The following SLC44A5 variants were observed in gnomAD, a reference collection of about 807,000 sequenced individuals.
SLC44A5 encodes choline transporter-like protein 5.
In SLC44A5, 57 loss-of-function variants were observed where a neutral mutation model predicts 101.8. That is an observed-to-expected ratio of 0.56 (90% CI 0.45 to 0.70). The LOEUF is 0.70. Among genes scored for constraint, SLC44A5 ranks in the 30% least tolerant of loss-of-function variants. The pLI is 0.00. For synonymous variants in SLC44A5, 281 were observed against 290.9 expected, an observed-to-expected ratio of 0.97 and a Z score of 0.35; for missense variants, 737 against 853.1, an observed-to-expected ratio of 0.86 and a Z score of 1.70.
At chr1:75,692,132 A>C in the SLC44A5 span, among the ~76,000 whole-genome samples, 2 of 151,436 alleles carry the variant, frequency 1.3e-5, no homozygotes, top group South Asian at 2.1e-4. Flanking sequence ...AAAAACACAG[A>C]GAGAGAACAA....
intron 2 of SLC44A5, among the ~76,000 whole-genome samples, chr1:75,500,396 T>C (rs1668893997): frequency 6.6e-6 from 1 of 152,166 alleles, no homozygotes; most frequent in South Asian, 2.1e-4. Flanking sequence ...AACTATTGCC[T>C]GCAAAAACTG....
chr1:75,443,295 A>T (rs1665312678), intron 2 of SLC44A5, among the ~76,000 whole-genome samples: 1 of 152,014 alleles, frequency 6.6e-6, no homozygotes, highest in African/African-American at 2.4e-5. Context: ...ATAAATTTAA[A>T]ATTAAAAATA....
At chr1:75,700,481 A>G in the SLC44A5 span, among the ~76,000 whole-genome samples, 1 of 152,234 alleles carries the variant, frequency 6.6e-6, no homozygotes, top group Non-Finnish European at 1.5e-5. Context: ...ACAACATACC[A>G]GAATCTCTGG....
chr1:75,517,837 C>A (rs947859157), intron 2 of SLC44A5, among the ~76,000 whole-genome samples: 1 of 152,186 alleles, frequency 6.6e-6, no homozygotes, highest in Non-Finnish European at 1.5e-5. Context: ...ACAATCTCTC[C>A]AGGCTCTTCT....
chr1:75,221,960 C>T (rs6671508), intron 14 of SLC44A5, among the ~76,000 whole-genome samples: 28,779 of 97,084 alleles, frequency 0.3, 3,568 homozygotes, highest in Non-Finnish European at 0.34. Flanking sequence ...TCTTCTTCTT[C>T]TTTTTTTTTT....
chr1:75,443,301 A>G (rs1665313058), intron 2 of SLC44A5, among the ~76,000 whole-genome samples: 1 of 152,020 alleles, frequency 6.6e-6, no homozygotes, highest in Non-Finnish European at 1.5e-5. Context: ...TTAAAATTAA[A>G]AATAAGCAAA....
the SLC44A5 span, among the ~76,000 whole-genome samples, chr1:75,659,033 C>A: frequency 6.6e-6 from 1 of 151,768 alleles, no homozygotes; most frequent in African/African-American, 2.4e-5. Context: ...AGAAGAAATG[C>A]ACAAATCCCT....
chr1:75,468,677 G>A (rs979813514), intron 2 of SLC44A5, among the ~76,000 whole-genome samples: 2 of 152,170 alleles, frequency 1.3e-5, no homozygotes, highest in Non-Finnish European at 1.5e-5. Context: ...GCTGGGAAAG[G>A]CAGCAATGGG....
At chr1:75,363,863 G>T (rs1200536161) in intron 3 of SLC44A5, among the ~76,000 whole-genome samples, 1 of 152,128 alleles carries the variant, frequency 6.6e-6, no homozygotes, top group Admixed American at 6.6e-5. Flanking sequence ...GCTTAGTGGT[G>T]ATTAATTTTC....
intron 2 of SLC44A5, among the ~76,000 whole-genome samples, chr1:75,404,583 T>A (rs976901984): frequency 6.6e-6 from 1 of 152,176 alleles, no homozygotes; most frequent in African/African-American, 2.4e-5. Context: ...CAGAATTTAA[T>A]ATCCAGCCAA....
chr1:75,684,367 C>T, the SLC44A5 span, among the ~76,000 whole-genome samples: 105 of 152,256 alleles, frequency 6.9e-4, no homozygotes, highest in African/African-American at 2.5e-3. Flanking sequence ...CCAACAGTCT[C>T]CCAAAGTTTT....
chr1:75,480,154 C>T (rs1667743653), intron 2 of SLC44A5, among the ~76,000 whole-genome samples: 1 of 152,178 alleles, frequency 6.6e-6, no homozygotes, highest in South Asian at 2.1e-4. Context: ...ACAAAAACCA[C>T]ATGATTATCT....
intron 1 of SLC44A5, among the ~76,000 whole-genome samples, chr1:75,610,716 G>A (rs966521299): frequency 3.3e-5 from 5 of 152,084 alleles, no homozygotes; most frequent in East Asian, 3.9e-4. Context: ...AAATATTGTC[G>A]ATATTTTGGT....
chr1:75,316,345 AC>A (rs1215968737), intron 4 of SLC44A5, among the ~76,000 whole-genome samples: 1 of 152,068 alleles, frequency 6.6e-6, no homozygotes, highest in Non-Finnish European at 1.5e-5. Context: ...AAGCTCTCTC[AC>A]CCTTAAAACT....
intron 4 of SLC44A5, among the ~76,000 whole-genome samples, chr1:75,333,905 CT>C (rs1453878485): frequency 2.6e-5 from 4 of 152,198 alleles, no homozygotes; most frequent in African/African-American, 9.6e-5. Context: ...TGTAGTCACA[CT>C]TGAGTTCTTT....
chr1:75,554,688 T>C (rs927718471), intron 1 of SLC44A5, among the ~76,000 whole-genome samples: 2 of 152,036 alleles, frequency 1.3e-5, no homozygotes, highest in Non-Finnish European at 2.9e-5. Flanking sequence ...TGATAAGCCA[T>C]GTTAGGAGTT....
At chr1:75,656,620 A>G in the SLC44A5 span, among the ~76,000 whole-genome samples, 1 of 152,194 alleles carries the variant, frequency 6.6e-6, no homozygotes, top group Admixed American at 6.5e-5. Context: ...TAATAACTAT[A>G]AGATTTTTTT....
At chr1:75,721,490 G>C in the SLC44A5 span, among the ~76,000 whole-genome samples, 15 of 152,318 alleles carry the variant, frequency 9.8e-5, no homozygotes, top group African/African-American at 3.6e-4. Context: ...TTTTCTTCCA[G>C]TGTGGCCCAG....
At chr1:75,389,508 C>T (rs750228760) in intron 3 of SLC44A5, among the ~76,000 whole-genome samples, 19 of 152,044 alleles carry the variant, frequency 1.2e-4, no homozygotes, top group Admixed American at 3.3e-4. Flanking sequence ...TATATATCAA[C>T]GCCAAGAGGA....
Sources: gnomAD v4.1 joint callset for allele counts (sites outside exome capture counted in the v4.1 genomes callset) on GRCh38, gnomAD v4.1.1 for gene constraint, MANE v1.5 for transcripts, NCBI Gene and HGNC (gene_info 2026-07-23, HGNC 2026-07-21) for gene names.